The following PIEZO1 variants were observed in gnomAD, a reference collection of about 807,000 sequenced individuals.
PIEZO1 encodes piezo-type mechanosensitive ion channel component 1.
A neutral mutation model predicts 297.2 loss-of-function variants in PIEZO1; 296 were observed. The ratio of observed to expected loss-of-function variants is 1.00; its 90% confidence interval spans 0.91 to 1.10. The LOEUF is 1.10. Ranked by LOEUF, PIEZO1 falls within the 50% of genes least tolerant of loss-of-function variation. The probability of loss-of-function intolerance (pLI) is 0.00; values close to 1 mark genes in which losing one functional copy is unlikely to be tolerated. For missense variants in PIEZO1, 5,018 were observed against 3,455.5 expected (o/e 1.45, Z -11.34); for synonymous variants, 2,427 against 1,507.5 (o/e 1.61, Z -14.13).
Position 88,738,424 on chromosome 16 carries a change from C to G in PIEZO1, c.651G>C (p.Ser217=). 2 of 1,535,744 alleles carry G rather than the reference C, an allele frequency of 1.3e-6. No individual in the cohort carries two copies. The highest frequency in any genetic ancestry group is 1.7e-6 in the Non-Finnish European group (2 of 1,146,808). The change falls in exon 7 of 51, where the codon TCG becomes TCC. Residue 217 remains serine (S), a synonymous_variant. Transcript: ENST00000301015. ...GCAGCAGGTAGACACTGGAGAGGGC[C>G]GAGGGGTGGGCGATGCCTGCGGGGC... The part of the protein sequence containing the change: ...LLALAGIAHP[S]ALSSVYLLLF...
Position 88,737,612 on chromosome 16 carries a change from T to C in PIEZO1, c.1142A>G (p.Asp381Gly), listed in dbSNP as rs1905317690. Residue 381 changes from aspartate to glycine, a missense_variant, in exon 10 of 51, where the codon GAT (aspartate) becomes GGT (glycine). Transcript: ENST00000301015. ...VVPTAPDTEA[D>G]NCIVHELTGQ... is the part of the protein sequence containing the mutation. ...GGTCAGCTCGTGCACGATGCAGTTA[T>C]CAGCCTCGGTGTCGGGTGCTGTGGG... 19 of 1,532,856 alleles carry C rather than the reference T, an allele frequency of 1.2e-5. No homozygotes were observed. Among genetic ancestry groups the C allele is most frequent in the South Asian group, 4.8e-5 (4 of 84,030 alleles). 95.0% of individuals were successfully genotyped at this position (1,532,856 alleles called of 1,614,324 possible). A position where few individuals can be genotyped will look rare whatever the true frequency, so the allele number is the denominator to read the frequency against.
At chr16:88,755,515 G>A (rs1286788455) in intron 1 of PIEZO1, among the ~76,000 whole-genome samples, 1 of 152,302 alleles carries the variant, frequency 6.6e-6, no homozygotes, top group South Asian at 2.1e-4. Flanking sequence ...GCCCCAGATC[G>A]GGCGTTTGGG....
At chr16:88,753,143 C>T (rs1263294277) in intron 1 of PIEZO1, among the ~76,000 whole-genome samples, 1 of 106,180 alleles carries the variant, frequency 9.4e-6, no homozygotes, top group Non-Finnish European at 1.9e-5. Flanking sequence ...ACCCCTGCCC[C>T]CCCAGAGCAC....
At position 88,722,021 on chromosome 16, in the gene PIEZO1, C is replaced by T. The variant is rs1904282517; in HGVS notation, c.5001G>A (p.Glu1667=). 2 of 1,548,482 alleles carry T rather than the reference C, an allele frequency of 1.3e-6. No homozygotes were observed. Among genetic ancestry groups the T allele is most frequent in the Non-Finnish European group, 1.7e-6 (2 of 1,146,616 alleles). Residue 1667 remains glutamate, a synonymous_variant, in exon 37 of 51, where the codon GAG becomes GAA. Coordinates refer to ENST00000301015, the MANE Select transcript of PIEZO1 (RefSeq NM_001142864.4). Reference sequence around the variant, plus strand: ...GCAGCCGCAGCGCCCGGCCCTGCCCCTCCGCAAACAGCTCTGCCTCCTCCA... The same window carrying T: ...GCAGCCGCAGCGCCCGGCCCTGCCCTTCCGCAAACAGCTCTGCCTCCTCCA... ...PELEEAELFA[E]GQGRALRLLR...
intron 24 of PIEZO1, 26 bp downstream of exon 24, chr16:88,727,013 C>G (rs759679037): frequency 6.5e-7 from 1 of 1,548,458 alleles, no homozygotes; most frequent in Admixed American, 2.0e-5. Flanking sequence ...CAGAAGGTTC[C>G]CCGTGGAGGG....
In PIEZO1 at chr16:88,719,394, C is replaced by T. The variant is rs1387221657; in HGVS notation, c.6471+180G>A. 6 of 615,584 alleles carry T rather than the reference C, an allele frequency of 9.7e-6. No individual in the cohort carries two copies. In the Admixed American group the frequency reaches 1.5e-4, roughly 15 times the overall value. The allele number at this position is 615,584 out of a possible 1,614,324, so 38.1% of individuals were successfully genotyped here. On this transcript the variant is annotated intron_variant, in intron 44 of 50. Coordinates refer to ENST00000301015, the MANE Select transcript of PIEZO1 (RefSeq NM_001142864.4). ...CACTTCTGCGCCCAGCACTCACTCG[C>T]AGCTGCCAAGATCACTGGCCTCGTG...
chr16:88,783,938 T>G (rs1296530597), intron 1 of PIEZO1, among the ~76,000 whole-genome samples: 1 of 152,216 alleles, frequency 6.6e-6, no homozygotes, highest in African/African-American at 2.4e-5. Context: ...ACCTGCCGTG[T>G]CCATGGCGGA....
Position 88,765,444 on chromosome 16 carries a change from T to C in PIEZO1, c.65-15965A>G, listed in dbSNP as rs192855474. The stretch of plus-strand genomic sequence containing the variant: ...TCTGCAGGAGACTGGGGTCTGGTCC[T>C]AGCTCAGCCCTCCCCTCTCTGTGCC... On this transcript the variant is annotated intron_variant, in intron 1 of 50. Coordinates refer to ENST00000301015, the MANE Select transcript of PIEZO1 (RefSeq NM_001142864.4). Among the ~76,000 whole-genome samples the C allele has an allele frequency of 1.7e-3, 265 of 152,320 alleles. 2 individuals carry two copies. Among genetic ancestry groups the C allele is most frequent in the African/African-American group, 6.1e-3 (255 of 41,572 alleles).
At position 88,721,769 on chromosome 16, in the gene PIEZO1, G is replaced by A. The variant is rs769142353; in HGVS notation, c.5214+39C>T. 105 of 1,535,242 alleles carry A rather than the reference G, an allele frequency of 6.8e-5. 1 individual carries two copies. In the South Asian group the frequency reaches 7.0e-4, roughly 10 times the overall value. Reference sequence around the variant, plus strand: ...CAGCACGCGGGGAGGGTCACGGCGCGGTGGGCCGGGCGCCCCCTCCCCCGC... The same window carrying A: ...CAGCACGCGGGGAGGGTCACGGCGCAGTGGGCCGGGCGCCCCCTCCCCCGC... On this transcript the variant is annotated intron_variant, in intron 37 of 50. Coordinates refer to ENST00000301015, the MANE Select transcript of PIEZO1 (RefSeq NM_001142864.4).
At chr16:88,754,118 C>T (rs1305687348) in intron 1 of PIEZO1, among the ~76,000 whole-genome samples, 1 of 152,224 alleles carries the variant, frequency 6.6e-6, no homozygotes, top group Non-Finnish European at 1.5e-5. Flanking sequence ...CAGCACACGC[C>T]TGACTATGGC....
chr16:88,764,780 G>C (rs1907095783), intron 1 of PIEZO1, among the ~76,000 whole-genome samples: 1 of 151,068 alleles, frequency 6.6e-6, no homozygotes, highest in South Asian at 2.1e-4. Context: ...AAGAAAAAAG[G>C]AATGCCCCTG....
intron 42 of PIEZO1, 24 bp from the exon 43 acceptor site, chr16:88,719,984 G>A: frequency 6.5e-7 from 1 of 1,549,852 alleles, no homozygotes; most frequent in Non-Finnish European, 8.7e-7. Context: ...GCCAGGTCAA[G>A]GACCCCATCA....
In PIEZO1 at chr16:88,775,684, G is replaced by A. The variant is rs542870230; in HGVS notation, c.64+9217C>T. ...GCGGAGGGTGCAGTGAGCCAAGATCGTGCCACTCCACTACAGCCTGGGTGG... is the reference window on the plus strand; with the variant it reads ...GCGGAGGGTGCAGTGAGCCAAGATCATGCCACTCCACTACAGCCTGGGTGG... On this transcript the variant is annotated intron_variant, in intron 1 of 50. Transcript: ENST00000301015. Among the ~76,000 whole-genome samples, 8 of 147,860 alleles carry A rather than the reference G, an allele frequency of 5.4e-5. 1 individual carries two copies. The highest frequency in any genetic ancestry group is 1.2e-4 in the African/African-American group (5 of 40,174).
chr16:88,784,535 C>A (rs1332149326), intron 1 of PIEZO1, among the ~76,000 whole-genome samples: 2 of 152,068 alleles, frequency 1.3e-5, no homozygotes, highest in Admixed American at 6.5e-5. Flanking sequence ...GTGCTCCCCC[C>A]ACCACCGCCG....
chr16:88,755,530 G>A (rs78014167), intron 1 of PIEZO1, among the ~76,000 whole-genome samples: 5,495 of 152,336 alleles, frequency 0.036, 132 homozygotes, highest in Non-Finnish European at 0.058. Context: ...TTTGGGTTCA[G>A]AGCTCTACCT....
At chr16:88,765,470 T>C (rs1229209956) in intron 1 of PIEZO1, among the ~76,000 whole-genome samples, 1 of 152,140 alleles carries the variant, frequency 6.6e-6, no homozygotes, top group Non-Finnish European at 1.5e-5. Flanking sequence ...TCTCTGTGCC[T>C]TGAGTTCCCA....
At chr16:88,730,592 C>A (rs1255985103) in intron 22 of PIEZO1, among the ~76,000 whole-genome samples, 1 of 94,120 alleles carries the variant, frequency 1.1e-5, no homozygotes, top group African/African-American at 4.7e-5. Flanking sequence ...AGCAAGACTC[C>A]ATCTCAAAAA....
At chr16:88,773,093 G>A (rs1052598404) in intron 1 of PIEZO1, among the ~76,000 whole-genome samples, 2 of 152,206 alleles carry the variant, frequency 1.3e-5, no homozygotes, top group Non-Finnish European at 2.9e-5. Flanking sequence ...TCTGGAAGCA[G>A]CAATTACTCC....
In PIEZO1 at chr16:88,720,514, C is replaced by T. The variant is rs1912357461; in HGVS notation, c.5820G>A (p.Arg1940=). The T allele has an allele frequency of 1.3e-6, 2 of 1,550,030 alleles. No individual in the cohort carries two copies. The highest frequency in any genetic ancestry group is 1.4e-5 in the African/African-American group (1 of 73,038). ...FCLSLAQGTY[R]PLRRFFHDIL... ...TGTCGTGGAAGAAGCGCCGTAGCGG[C>T]CGATATGTGCCCTGGGCCCTGCGGA... Residue 1940 remains arginine, a synonymous_variant, in exon 41 of 51, where the codon CGG becomes CGA. Transcript: ENST00000301015.
Sources: allele counts gnomAD v4.1 joint callset (sites outside exome capture counted in the v4.1 genomes callset), GRCh38; gene constraint gnomAD v4.1.1; transcripts MANE v1.5; gene names NCBI Gene and HGNC (gene_info 2026-07-23, HGNC 2026-07-21).